The following TASOR2 variants were observed in gnomAD, a reference collection of about 807,000 sequenced individuals.
TASOR2 encodes the protein transcription activation suppressor family member 2.
A neutral mutation model predicts 199.5 loss-of-function variants in TASOR2; 84 were observed. The ratio of observed to expected loss-of-function variants is 0.42; its 90% CI spans 0.35 to 0.50. The LOEUF (loss-of-function observed/expected upper bound fraction) is 0.50, where lower values mean the gene tolerates loss of function less well. Among genes scored for constraint, TASOR2 ranks in the 20% least tolerant of loss-of-function variants. The pLI is 0.02. For synonymous variants in TASOR2, 1,103 were observed against 1,046.6 expected (o/e 1.05, Z -1.04); for missense variants, 2,796 against 2,835.9 (o/e 0.99, Z 0.32).
chr10:5,759,039 CAG>C, intron 18 of TASOR2, 47 bp downstream of exon 19: 1 of 1,352,226 alleles, frequency 7.4e-7, no homozygotes, highest in Non-Finnish European at 1.1e-6. Flanking sequence ...GCTGGGGTAG[CAG>C]AGAAACGCCT....
intron 1 of TASOR2, among the ~76,000 whole-genome samples, chr10:5,709,165 A>T (rs1006718088): frequency 5.9e-5 from 9 of 152,094 alleles, no homozygotes; most frequent in African/African-American, 2.2e-4. Flanking sequence ...GAGGAGAGAG[A>T]TTTTTGTAAA....
At chr10:5,711,482 G>C (rs1457900802) in intron 1 of TASOR2, among the ~76,000 whole-genome samples, 2 of 152,026 alleles carry the variant, frequency 1.3e-5, no homozygotes, top group African/African-American at 4.8e-5. Flanking sequence ...ATAAATACTA[G>C]GTTTGTAAAA....
intron 15 of TASOR2, among the ~76,000 whole-genome samples, chr10:5,753,716 T>C (rs1838418849): frequency 6.6e-6 from 1 of 152,194 alleles, no homozygotes; most frequent in East Asian, 1.9e-4. Flanking sequence ...TTCCCTCTGT[T>C]GTCTTTGCTC....
At chr10:5,756,795 A>G (rs1273836560) in intron 16 of TASOR2, 57 bp downstream of exon 17, 1 of 1,571,650 alleles carries the variant, frequency 6.4e-7, no homozygotes, top group East Asian at 2.3e-5. Context: ...TTGTTCTGTA[A>G]TGCTCAGACT....
intron 1 of TASOR2, among the ~76,000 whole-genome samples, chr10:5,691,356 T>C (rs964417729): frequency 5.9e-5 from 9 of 152,162 alleles, no homozygotes; most frequent in African/African-American, 2.2e-4. Context: ...TTTGAGAATG[T>C]TAAAACAATC....
In TASOR2 at chr10:5,706,101, C is replaced by A. The variant is rs1256481714; in HGVS notation, c.-287-6722C>A. On this transcript the variant is annotated intron_variant, in intron 1 of 20. Coordinates refer to ENST00000328090, the Ensembl canonical transcript of TASOR2. This position sits in a 1 kb window ranked among gnomAD's most constrained non-coding sequence, Gnocchi z 4.8. The stretch of plus-strand genomic sequence containing the variant: ...GTTTTTTTCCTCCGTTTTAGTTGTT[C>A]TGTAGCAGCATTTATTGCAAAGATA... Among the ~76,000 whole-genome samples, 2 of 152,070 alleles carry A rather than the reference C, an allele frequency of 1.3e-5. No homozygotes were observed. Among genetic ancestry groups the A allele is most frequent in the Admixed American group, 1.3e-4 (2 of 15,268 alleles).
rs1006566268 is a variant in TASOR2, at chr10:5,755,848, C to T, written c.6607-765C>T. ...TTTCTACCAAAAAGAAAAAAAAAGC[C>T]GGGCCCAGTGATGTGCACCTGTAGC... On this transcript the variant is annotated intron_variant, in intron 15 of 20. Coordinates refer to ENST00000328090, the Ensembl canonical transcript of TASOR2. 7.9e-5 allele frequency among the ~76,000 whole-genome samples: 12 copies of T among 152,046 alleles called. 1 individual carries two copies. The highest frequency in any genetic ancestry group is 2.7e-4 in the African/African-American group (11 of 41,458).
chr10:5,700,073 T>C (rs1837621068), intron 1 of TASOR2, among the ~76,000 whole-genome samples: 1 of 152,102 alleles, frequency 6.6e-6, no homozygotes, highest in Non-Finnish European at 1.5e-5. Flanking sequence ...ATTAATCAAC[T>C]TCTCTTTATT....
chr10:5,702,661 T>TTTG, intron 1 of TASOR2, among the ~76,000 whole-genome samples: 1 of 86,834 alleles, frequency 1.2e-5, no homozygotes, highest in South Asian at 4.4e-4. Context: ...TTTTTTTTTT[T>TTTG]GGTAAGTAAG....
In TASOR2 at chr10:5,751,442, A is replaced by G. The variant is rs1838024308; in HGVS notation, c.6606+1415A>G. ...TATTCATTTGCTTATCTGTATCACT[A>G]TGGACCATGGCACATTTTGTTTTAC... On this transcript the variant is annotated intron_variant, in intron 15 of 20. Transcript: ENST00000328090. This position sits in a 1 kb window ranked among gnomAD's most constrained non-coding sequence, Gnocchi z 5.3. 6.6e-6 allele frequency among the ~76,000 whole-genome samples: 1 copy of G among 152,170 alleles called. No homozygotes were observed. Among genetic ancestry groups the G allele is most frequent in the Admixed American group, 6.5e-5 (1 of 15,286 alleles).
intron 10 of TASOR2, among the ~76,000 whole-genome samples, chr10:5,729,355 CA>C (rs1359924176): frequency 6.6e-6 from 1 of 151,490 alleles, no homozygotes; most frequent in Non-Finnish European, 1.5e-5. Context: ...TAAAACAAAA[CA>C]AAACAAAACA....
In TASOR2 at chr10:5,727,137, G is replaced by A. The variant is rs1834148530; in HGVS notation, c.487+14G>A. 5.0e-6 allele frequency: 8 copies of A among 1,613,720 alleles called. No individual in the cohort carries two copies. The highest frequency in any genetic ancestry group is 6.8e-6 in the Non-Finnish European group (8 of 1,179,836). On this transcript the variant is annotated intron_variant, in intron 10 of 20. Transcript: ENST00000328090. ...CCCTGTCAACAGGTGAGGATACAAT[G>A]GTTTCCAGCTCACTCTGTCTGTTGG...
At position 5,737,365 on chromosome 10, in the gene TASOR2, TA is replaced by T. The variant is rs1218134603; in HGVS notation, c.1447+1823del. ...ATTGTTTTATGACTGAAGATTTTTT[TA>T]AAAGCTCATCATGTCATTCAAAAAC... On this transcript the variant is annotated intron_variant, in intron 12 of 20. Coordinates refer to ENST00000328090, the Ensembl canonical transcript of TASOR2. The surrounding 1 kb of genome is among the most constrained non-coding windows in gnomAD (Gnocchi z 4.9). 2.6e-5 allele frequency among the ~76,000 whole-genome samples: 4 copies of T among 152,062 alleles called. No homozygotes were observed. Among genetic ancestry groups the T allele is most frequent in the African/African-American group, 9.7e-5 (4 of 41,390 alleles).
intron 15 of TASOR2, among the ~76,000 whole-genome samples, chr10:5,756,379 A>G (rs1838947334): frequency 6.6e-6 from 1 of 152,226 alleles, no homozygotes; most frequent in Non-Finnish European, 1.5e-5. Context: ...ATGTTCTAAA[A>G]GAAAATCAGC....
At position 5,689,455 on chromosome 10, in the gene TASOR2, C is replaced by T. The variant is rs1392359804; in HGVS notation, c.-288+4280C>T. On this transcript the variant is annotated intron_variant, in intron 1 of 20. Coordinates refer to ENST00000328090, the Ensembl canonical transcript of TASOR2. The surrounding 1 kb of genome is among the most constrained non-coding windows in gnomAD (Gnocchi z 4.1). ...TCTCTACTAAAAATACAAAAATTAT[C>T]CCGGCATGGGGGTGCGCGCCTGTAG... is the stretch of plus-strand genomic sequence containing the variant. Among the ~76,000 whole-genome samples, 1 of 152,084 alleles carries T rather than the reference C, an allele frequency of 6.6e-6. No individual in the cohort carries two copies. The highest frequency in any genetic ancestry group is 1.9e-4 in the East Asian group (1 of 5,166).
At chr10:5,726,498 G>A (rs1266704578) in intron 8 of TASOR2, among the ~76,000 whole-genome samples, 1 of 152,150 alleles carries the variant, frequency 6.6e-6, no homozygotes, top group African/African-American at 2.4e-5. Context: ...GTAAATATGA[G>A]CTTAAGATGC....
rs753740181 is a variant in TASOR2 at position 5,748,473 on chromosome 10, A to G, written c.5052A>G (p.Glu1684=). 1.2e-6 allele frequency: 2 copies of G among 1,614,196 alleles called. No individual in the cohort carries two copies. The highest frequency in any genetic ancestry group is 8.5e-7 in the Non-Finnish European group (1 of 1,180,042). ...CAGAGCCAGTGTTTCAAGCACAGGA[A>G]ATACCAGCAGGCAGAATGGCCAGTT... is the stretch of plus-strand genomic sequence containing the variant. Residue 1684 remains glutamate (E), a synonymous_variant, in exon 15 of 21, where the codon GAA becomes GAG. Coordinates refer to ENST00000328090, the Ensembl canonical transcript of TASOR2. This position sits in a 1 kb window ranked among gnomAD's most constrained non-coding sequence, Gnocchi z 5.1.
Position 5,757,573 on chromosome 10 carries a change from A to G in TASOR2, c.6786A>G (p.Val2262=), listed in dbSNP as rs371516602. 1.6e-5 allele frequency: 26 copies of G among 1,612,910 alleles called. 1 individual carries two copies. The African/African-American group carries it at 3.1e-4, about 19-fold the overall frequency. ...TCCCCAGTGTCATCTTTGCTGGAGT[A>G]GACAGCCCTGGAGATGTTCTTGATC... is the stretch of plus-strand genomic sequence containing the variant. The change falls in exon 17 of 21, where the codon GTA becomes GTG. Residue 2262 remains valine, a synonymous_variant. Coordinates refer to ENST00000328090, the Ensembl canonical transcript of TASOR2.
intron 1 of TASOR2, among the ~76,000 whole-genome samples, chr10:5,703,739 G>A (rs983187194): frequency 6.6e-6 from 1 of 151,104 alleles, no homozygotes; most frequent in Admixed American, 6.6e-5. Context: ...TCCTGACCTC[G>A]TGATCCGCCC....
Sources: allele counts gnomAD v4.1 joint callset (sites outside exome capture counted in the v4.1 genomes callset), GRCh38; gene constraint gnomAD v4.1.1; non-coding constraint Gnocchi (gnomAD v3.1); transcripts MANE v1.5; gene names NCBI Gene and HGNC (gene_info 2026-07-23, HGNC 2026-07-21).